The following UTP18 variants were observed in gnomAD, a reference collection of about 807,000 sequenced individuals.
UTP18 encodes the protein U3 small nucleolar RNA-associated protein 18 homolog.
Under a neutral mutation model 61.1 loss-of-function variants are expected in UTP18, and 36 were observed. That is an observed-to-expected ratio of 0.59 (90% CI 0.45 to 0.78). The LOEUF (loss-of-function observed/expected upper bound fraction) is 0.78. Among genes scored for constraint, UTP18 ranks in the 30% least tolerant of loss-of-function variants. The probability of loss-of-function intolerance (pLI) is 0.00; values close to 1 mark genes in which losing one functional copy is unlikely to be tolerated. For synonymous variants in UTP18, 282 were observed against 251.1 expected (o/e 1.12, Z -1.16); for missense variants, 753 against 693.9 (o/e 1.09, Z -0.96).
chr17:51,294,751 A>G (rs1905319838), intron 12 of UTP18, among the ~76,000 whole-genome samples: 1 of 151,890 alleles, frequency 6.6e-6, no homozygotes, highest in Admixed American at 6.6e-5. Context: ...TGGTATTTCT[A>G]GTTCTAGATC....
chr17:51,274,027 C>T (rs1351365193), intron 5 of UTP18, among the ~76,000 whole-genome samples: 1 of 152,222 alleles, frequency 6.6e-6, no homozygotes, highest in Admixed American at 6.5e-5. Context: ...TTCTACACTG[C>T]CCTTTACAGT....
At chr17:51,281,164 A>ATATATATATATATATATTT (rs59857038) in intron 9 of UTP18, among the ~76,000 whole-genome samples, 1 of 140,436 alleles carries the variant, frequency 7.1e-6, no homozygotes, top group African/African-American at 2.7e-5. Context: ...ATATATATAT[A>ATATATATATATATATATTT]TTTTTTTTAA....
chr17:51,266,031 A>C, intron 2 of UTP18, 151 bp from the exon 3 acceptor site: 1 of 500,808 alleles, frequency 2.0e-6, no homozygotes, highest in Non-Finnish European at 3.3e-6. Flanking sequence ...TTCTTTTAGG[A>C]AGAACAGAGA....
At chr17:51,267,677 C>T (rs1211168991) in intron 3 of UTP18, among the ~76,000 whole-genome samples, 1 of 152,090 alleles carries the variant, frequency 6.6e-6, no homozygotes, top group Non-Finnish European at 1.5e-5. Context: ...ATGATGTGTA[C>T]CAGACACTGC....
chr17:51,297,742 CT>C (rs1567708708), intron 13 of UTP18, 39 bp from the exon 14 acceptor site: 1 of 439,764 alleles, frequency 2.3e-6, no homozygotes. Flanking sequence ...TGACCAGCAG[CT>C]ATAAATCAGG....
chr17:51,263,491 T>C, intron 2 of UTP18, 105 bp downstream of exon 2: 1 of 878,430 alleles, frequency 1.1e-6, no homozygotes, highest in Non-Finnish European at 1.7e-6. Flanking sequence ...TGTGAAGATT[T>C]GAAAAATATT....
At chr17:51,271,935 T>G (rs112136037) in intron 4 of UTP18, among the ~76,000 whole-genome samples, 5 of 152,316 alleles carry the variant, frequency 3.3e-5, no homozygotes, top group African/African-American at 9.6e-5. Flanking sequence ...CCCAAAGTAC[T>G]GGAATTACAG....
At chr17:51,295,929 C>T (rs968560316) in intron 12 of UTP18, among the ~76,000 whole-genome samples, 4 of 152,144 alleles carry the variant, frequency 2.6e-5, no homozygotes, top group Admixed American at 6.6e-5. Context: ...CCACTTTCTT[C>T]GTGCCTTATG....
chr17:51,262,452 A>G lies in UTP18; in HGVS notation c.343-822A>G, dbSNP rs942634248. On this transcript the variant is annotated intron_variant, in intron 1 of 13. Transcript: ENST00000225298. ...AACTTTAGAATTTAGATTTAATGGT[A>G]TATTTATTTTTTACTTATTTAGAGA... Among the ~76,000 whole-genome samples, 15 of 152,154 alleles carry G rather than the reference A, an allele frequency of 9.9e-5. No individual in the cohort carries two copies. The South Asian group carries it at 2.9e-3, about 29-fold the overall frequency.
rs757257176 is a variant in UTP18, at chr17:51,273,358, T to C, written c.623-4T>C. ...GATCAGCCTTCTGGGTTTGTTTGAC[T>C]TAGATGAAAGTGAAGAGGATGAAGA... is the stretch of plus-strand genomic sequence containing the variant. On this transcript the variant is annotated splice_region_variant and splice_polypyrimidine_tract_variant and intron_variant, in intron 4 of 13. Coordinates refer to ENST00000225298, the MANE Select transcript of UTP18 (RefSeq NM_016001.3). 4 of 1,605,560 alleles carry C rather than the reference T, an allele frequency of 2.5e-6. No homozygotes were observed. Among genetic ancestry groups the C allele is most frequent in the East Asian group, 2.3e-5 (1 of 44,358 alleles).
chr17:51,261,393 T>A (rs1207470462), intron 1 of UTP18, among the ~76,000 whole-genome samples: 1 of 152,236 alleles, frequency 6.6e-6, no homozygotes, highest in Non-Finnish European at 1.5e-5. Flanking sequence ...AGAATGATCG[T>A]GTATTCCGTT....
chr17:51,283,149 G>A (rs1021177694), intron 9 of UTP18, among the ~76,000 whole-genome samples: 7 of 149,340 alleles, frequency 4.7e-5, no homozygotes, highest in Non-Finnish European at 8.9e-5. Flanking sequence ...GATTACAGGC[G>A]TGAGCCACCG....
chr17:51,264,888 G>A (rs1033881653), intron 2 of UTP18, among the ~76,000 whole-genome samples: 1 of 151,920 alleles, frequency 6.6e-6, no homozygotes, highest in African/African-American at 2.4e-5. Context: ...TTACCATGTT[G>A]GCCAGGCTGG....
At chr17:51,279,803 T>C (rs1452742627) in intron 7 of UTP18, among the ~76,000 whole-genome samples, 1 of 152,212 alleles carries the variant, frequency 6.6e-6, no homozygotes, top group East Asian at 1.9e-4. Flanking sequence ...AAGAGAAGTT[T>C]GTTAAGTGCT....
At chr17:51,282,549 T>A (rs995875514) in intron 9 of UTP18, among the ~76,000 whole-genome samples, 3 of 151,498 alleles carry the variant, frequency 2.0e-5, no homozygotes, top group Non-Finnish European at 4.4e-5. Flanking sequence ...AAGAATTAGT[T>A]CAGAGTAATA....
intron 6 of UTP18, among the ~76,000 whole-genome samples, chr17:51,276,682 A>G (rs1271861703): frequency 6.6e-6 from 1 of 152,218 alleles, no homozygotes; most frequent in African/African-American, 2.4e-5. Flanking sequence ...AAATGTAACC[A>G]TTCAGTCCTG....
intron 9 of UTP18, among the ~76,000 whole-genome samples, chr17:51,283,717 G>A (rs376510774): frequency 1.3e-5 from 2 of 151,266 alleles, no homozygotes; most frequent in African/African-American, 4.9e-5. Flanking sequence ...GGGTTCAGGC[G>A]ATTCTCATGC....
chr17:51,260,685 G>T lies in UTP18; in HGVS notation c.101G>T (p.Gly34Val). ...AGGCCGGACTGGAAAGCCGGAGCGG[G>T]GCCAGGCGGGCCTCCCCAAAAGCCT... ...GMRPDWKAGA[G>V]PGGPPQKPAP... The change falls in exon 1 of 14, where the codon GGG becomes GTG. Residue 34 changes from glycine to valine, a missense_variant. Transcript: ENST00000225298. 1.2e-6 allele frequency: 2 copies of T among 1,608,218 alleles called. No individual in the cohort carries two copies.
intron 4 of UTP18, among the ~76,000 whole-genome samples, chr17:51,273,100 A>G (rs146682867): frequency 1.0e-3 from 156 of 152,018 alleles, no homozygotes; most frequent in Middle Eastern, 6.8e-3. Flanking sequence ...CCATCTGTGT[A>G]TGTGTTAGTC....
Sources: gnomAD v4.1 joint callset for allele counts (sites outside exome capture counted in the v4.1 genomes callset) on GRCh38, gnomAD v4.1.1 for gene constraint, MANE v1.5 for transcripts, NCBI Gene and HGNC (gene_info 2026-07-23, HGNC 2026-07-21) for gene names.